Variants in TSHZ1 observed in about 807,000 individuals in gnomAD.
TSHZ1 encodes the protein teashirt homolog 1.
Under a neutral mutation model 67.1 loss-of-function variants are expected in TSHZ1, and 12 were observed. The observed-to-expected ratio is 0.18, with a 90% confidence interval of 0.11 to 0.29. TSHZ1 has a LOEUF of 0.29. TSHZ1 is among the 10% of genes least tolerant of loss of function. The pLI, the probability that TSHZ1 is intolerant of heterozygous loss-of-function variation, is 1.00. For missense variants in TSHZ1, 1,305 were observed against 1,413.9 expected (o/e 0.92, Z 1.23); for synonymous variants, 632 against 622.4 (o/e 1.02, Z -0.23).
At chr18:75,277,931 G>A (rs1487771822) in intron 1 of TSHZ1, among the ~76,000 whole-genome samples, 3 of 152,134 alleles carry the variant, frequency 2.0e-5, no homozygotes, top group Admixed American at 6.5e-5. Flanking sequence ...CCCAAGGAGC[G>A]AGTGAGTGTA....
intron 1 of TSHZ1, among the ~76,000 whole-genome samples, chr18:75,235,013 G>A (rs137957664): frequency 6.6e-6 from 1 of 152,182 alleles, no homozygotes; most frequent in Non-Finnish European, 1.5e-5. Context: ...TCTTCCAGTA[G>A]TAAAGGTGTA....
rs541105310 is a variant in TSHZ1 at position 75,260,071 on chromosome 18, G to A, written c.41-25377G>A. On this transcript the variant is annotated intron_variant, in intron 1 of 1. Coordinates refer to ENST00000580243, the MANE Select transcript of TSHZ1 (RefSeq NM_001308210.2). The stretch of plus-strand genomic sequence containing the variant: ...GCAGCTATCGGCCCATGATTCAGCC[G>A]TTCTTTTCCTAACCTTGTGAATTAG... 4.5e-4 allele frequency among the ~76,000 whole-genome samples: 69 copies of A among 152,180 alleles called. No homozygotes were observed. In the South Asian group the frequency reaches 0.013, roughly 28 times the overall value.
Position 75,211,004 on chromosome 18 carries a change from G to C in TSHZ1, c.-873G>C, listed in dbSNP as rs1307609344. ...GTTGTTGCCTTTTTTTTTTCTTGGA[G>C]GGGGGGGTGCTTTTTGTGTATTTTT... is the stretch of plus-strand genomic sequence containing the variant. On this transcript the variant is annotated 5_prime_UTR_variant, in exon 1 of 2. Coordinates refer to ENST00000580243, the MANE Select transcript of TSHZ1 (RefSeq NM_001308210.2). 1 of 28,472 alleles carries C rather than the reference G, an allele frequency of 3.5e-5. No individual in the cohort carries two copies. Among genetic ancestry groups the C allele is most frequent in the Non-Finnish European group, 7.4e-5 (1 of 13,530 alleles). 1.8% of individuals were successfully genotyped at this position (28,472 alleles called of 1,614,324 possible).
At chr18:75,279,994 A>T (rs1568367664) in intron 1 of TSHZ1, among the ~76,000 whole-genome samples, 2 of 152,278 alleles carry the variant, frequency 1.3e-5, no homozygotes, top group Non-Finnish European at 2.9e-5. Context: ...TCAATGATAA[A>T]TAACTTGTGT....
At chr18:75,250,690 A>G (rs2404870) in intron 1 of TSHZ1, among the ~76,000 whole-genome samples, 119,999 of 152,228 alleles carry the variant, frequency 0.79, 47,444 homozygotes, top group South Asian at 0.87. Context: ...CTCTGAGAGC[A>G]TGAGGTGCTA....
intron 1 of TSHZ1, chr18:75,280,946 G>C (rs143282677): frequency 4.5e-6 from 2 of 444,474 alleles, no homozygotes; most frequent in African/African-American, 4.3e-5. Context: ...GCAGAGAGTC[G>C]GGGAGGGCTG....
chr18:75,265,958 A>G (rs918824110), intron 1 of TSHZ1, among the ~76,000 whole-genome samples: 3 of 152,206 alleles, frequency 2.0e-5, no homozygotes, highest in Admixed American at 2.0e-4. Flanking sequence ...GTTCTTTGGA[A>G]AGAACCGAGC....
intron 1 of TSHZ1, among the ~76,000 whole-genome samples, chr18:75,252,658 C>T (rs1476391895): frequency 6.6e-6 from 1 of 151,858 alleles, no homozygotes. Context: ...TTCTAAATGC[C>T]ATTTATTTAA....
intron 1 of TSHZ1, among the ~76,000 whole-genome samples, chr18:75,215,589 T>A (rs966347709): frequency 2.6e-5 from 4 of 152,254 alleles, no homozygotes; most frequent in African/African-American, 9.6e-5. Context: ...TGCTTGATCC[T>A]AAAATGGCAC....
intron 1 of TSHZ1, among the ~76,000 whole-genome samples, chr18:75,256,062 C>T (rs1021018061): frequency 6.6e-6 from 1 of 152,110 alleles, no homozygotes; most frequent in Non-Finnish European, 1.5e-5. Context: ...TTTAAATAGG[C>T]AACTAAAACT....
rs1360556369 is a variant in TSHZ1 at position 75,210,852 on chromosome 18, AGAG to A, written c.-1021_-1019del. ...GAATGTGTGTTATATTTCACTGAAAAGAGGAGAGAGCGAGAGTGCATCTCCCTC... is the reference window on the plus strand; with the variant it reads ...GAATGTGTGTTATATTTCACTGAAAAGAGAGAGCGAGAGTGCATCTCCCTC... On this transcript the variant is annotated 5_prime_UTR_variant, in exon 1 of 2. Coordinates refer to ENST00000580243, the MANE Select transcript of TSHZ1 (RefSeq NM_001308210.2). 1.4e-5 allele frequency: 2 copies of A among 147,520 alleles called. No individual in the cohort carries two copies. Among genetic ancestry groups the A allele is most frequent in the Non-Finnish European group, 3.0e-5 (2 of 67,312 alleles). The allele number at this position is 147,520 out of a possible 1,614,324, so 9.1% of individuals were successfully genotyped here. A position where few individuals can be genotyped will look rare whatever the true frequency, so the allele number is the denominator to read the frequency against.
chr18:75,228,542 C>T (rs1168288626), intron 1 of TSHZ1, among the ~76,000 whole-genome samples: 6 of 152,200 alleles, frequency 3.9e-5, no homozygotes, highest in Admixed American at 6.5e-5. Flanking sequence ...CAGGCTCTCC[C>T]GTGTCAGGAG....
intron 1 of TSHZ1, among the ~76,000 whole-genome samples, chr18:75,212,898 T>C (rs762276456): frequency 5.3e-5 from 8 of 152,212 alleles, no homozygotes; most frequent in East Asian, 1.9e-4. Context: ...GTTTTGGACA[T>C]TGCGTTTGTG....
rs141935669 is a variant in TSHZ1, at chr18:75,287,499, G to A, written c.2092G>A (p.Glu698Lys). The A allele has an allele frequency of 2.0e-5, 33 of 1,614,094 alleles. No individual in the cohort carries two copies. The East Asian group carries it at 2.7e-4, about 13-fold the overall frequency. Reference sequence around the variant, plus strand: ...ACCACAGAAGAAGGGCCCTGAGGCCGAGACTGGGAAGGCCAAAAAGGAGGG... The same window carrying A: ...ACCACAGAAGAAGGGCCCTGAGGCCAAGACTGGGAAGGCCAAAAAGGAGGG... ...GKPQKKGPEA[E>K]TGKAKKEGPL... Residue 698 changes from glutamate (E) to lysine (K), a missense_variant, in exon 2 of 2, where the codon GAG (glutamate) becomes AAG (lysine). Glu to Lys is a moderately conservative substitution (Grantham distance 56). Coordinates refer to ENST00000580243, the MANE Select transcript of TSHZ1 (RefSeq NM_001308210.2). This position sits in a 1 kb window ranked among gnomAD's most constrained non-coding sequence, Gnocchi z 5.0.
intron 1 of TSHZ1, among the ~76,000 whole-genome samples, chr18:75,267,864 C>T (rs1568364714): frequency 6.6e-6 from 1 of 152,188 alleles, no homozygotes; most frequent in Non-Finnish European, 1.5e-5. Context: ...CAGCACTACA[C>T]CTCATGACTG....
intron 1 of TSHZ1, among the ~76,000 whole-genome samples, chr18:75,269,064 C>T (rs140739202): frequency 3.3e-5 from 5 of 152,078 alleles, no homozygotes; most frequent in African/African-American, 7.2e-5. Flanking sequence ...ACTGGAAATA[C>T]GATTTTTAAA....
At chr18:75,242,943 G>T (rs910129494) in intron 1 of TSHZ1, among the ~76,000 whole-genome samples, 11 of 152,202 alleles carry the variant, frequency 7.2e-5, no homozygotes, top group Admixed American at 3.3e-4. Flanking sequence ...GTGAACATGT[G>T]TTGCTCTATC....
chr18:75,267,773 G>A (rs2023507760), intron 1 of TSHZ1, among the ~76,000 whole-genome samples: 1 of 152,182 alleles, frequency 6.6e-6, no homozygotes, highest in Non-Finnish European at 1.5e-5. Context: ...AAGTGGAGAT[G>A]CATAAAATCG....
At chr18:75,251,040 AG>A (rs2023297053) in intron 1 of TSHZ1, among the ~76,000 whole-genome samples, 2 of 152,180 alleles carry the variant, frequency 1.3e-5, no homozygotes, top group Admixed American at 6.5e-5. Flanking sequence ...CTATTTTTGT[AG>A]GATCTTTTAA....
Sources: allele counts gnomAD v4.1 joint callset (sites outside exome capture counted in the v4.1 genomes callset), GRCh38; gene constraint gnomAD v4.1.1; non-coding constraint Gnocchi (gnomAD v3.1); transcripts MANE v1.5; gene names NCBI Gene and HGNC (gene_info 2026-07-23, HGNC 2026-07-21).